The following SSBP2 variants were observed in gnomAD, a reference collection of about 807,000 sequenced individuals.
SSBP2 encodes single-stranded DNA-binding protein 2.
SSBP2 carries 17 observed loss-of-function variants against 61.8 expected under a neutral mutation model. The observed-to-expected ratio is 0.28, with a 90% confidence interval of 0.19 to 0.41. The LOEUF (loss-of-function observed/expected upper bound fraction) is 0.41. Ranked by LOEUF, SSBP2 falls within the 10% of genes least tolerant of loss-of-function variation. The probability of loss-of-function intolerance (pLI) is 1.00; values close to 1 mark genes in which losing one functional copy is unlikely to be tolerated. For missense variants in SSBP2, 310 were observed against 458.7 expected, an observed-to-expected ratio of 0.68 and a Z score of 2.96; for synonymous variants, 139 against 141.3, an observed-to-expected ratio of 0.98 and a Z score of 0.12.
At chr5:81,732,711 C>A (rs1756348797) in intron 1 of SSBP2, among the ~76,000 whole-genome samples, 1 of 152,164 alleles carries the variant, frequency 6.6e-6, no homozygotes, top group South Asian at 2.1e-4. Flanking sequence ...TTGGGTGGGT[C>A]ATACAGAAGA....
chr5:81,738,768 G>A (rs549400784), intron 1 of SSBP2, among the ~76,000 whole-genome samples: 20 of 152,154 alleles, frequency 1.3e-4, no homozygotes, highest in African/African-American at 4.1e-4. Flanking sequence ...TATAGCAATC[G>A]CTTCCTAATG....
intron 1 of SSBP2, among the ~76,000 whole-genome samples, chr5:81,748,292 T>C (rs1031454012): frequency 6.6e-6 from 1 of 152,204 alleles, no homozygotes; most frequent in African/African-American, 2.4e-5. Context: ...TAAGAACAGT[T>C]CTAATTTGCT....
chr5:81,467,622 ATATC>A (rs1764978496), intron 8 of SSBP2, among the ~76,000 whole-genome samples: 1 of 152,062 alleles, frequency 6.6e-6, no homozygotes, highest in African/African-American at 2.4e-5. Context: ...GCTTCTGTTA[ATATC>A]TATCATGTGC....
intron 1 of SSBP2, among the ~76,000 whole-genome samples, chr5:81,675,268 TAAAAAATA>T (rs1751870573): frequency 1.3e-5 from 2 of 152,144 alleles, no homozygotes; most frequent in South Asian, 4.1e-4. Flanking sequence ...GTTCCCCAGC[TAAAAAATA>T]ATAGTCCCCC....
chr5:81,462,595 T>C (rs1487404551), intron 9 of SSBP2, among the ~76,000 whole-genome samples: 2 of 152,174 alleles, frequency 1.3e-5, no homozygotes, highest in East Asian at 1.9e-4. Context: ...TCCAAGATGA[T>C]GATGGAGATG....
chr5:81,615,789 A>T (rs1472293945), intron 3 of SSBP2, among the ~76,000 whole-genome samples: 2 of 152,252 alleles, frequency 1.3e-5, no homozygotes, highest in Admixed American at 6.5e-5. Context: ...AATTTATAGC[A>T]ATAATTTAAA....
At chr5:81,720,262 C>G (rs1032673749) in intron 1 of SSBP2, among the ~76,000 whole-genome samples, 1 of 152,120 alleles carries the variant, frequency 6.6e-6, no homozygotes, top group Non-Finnish European at 1.5e-5. Flanking sequence ...CACTACCAAT[C>G]CTACCTCCAC....
intron 4 of SSBP2, among the ~76,000 whole-genome samples, chr5:81,561,211 A>G (rs556543812): frequency 1.6e-4 from 24 of 152,328 alleles, no homozygotes; most frequent in African/African-American, 5.8e-4. Context: ...GGAACATCCT[A>G]TGATACTGAA....
At chr5:81,549,653 C>T (rs1429066605) in intron 4 of SSBP2, among the ~76,000 whole-genome samples, 1 of 152,238 alleles carries the variant, frequency 6.6e-6, no homozygotes, top group Middle Eastern at 3.4e-3. Flanking sequence ...ATGAATGATT[C>T]ATACAAAAAT....
intron 4 of SSBP2, among the ~76,000 whole-genome samples, chr5:81,571,336 T>C (rs1379046220): frequency 6.6e-6 from 1 of 152,176 alleles, no homozygotes; most frequent in East Asian, 1.9e-4. Flanking sequence ...AGCAAGACAT[T>C]GGGAGGTGAG....
At chr5:81,507,653 T>A (rs1280778316) in intron 5 of SSBP2, among the ~76,000 whole-genome samples, 2 of 152,140 alleles carry the variant, frequency 1.3e-5, no homozygotes, top group African/African-American at 4.8e-5. Flanking sequence ...GAAGTTATAG[T>A]TTCCTTCTTA....
intron 4 of SSBP2, among the ~76,000 whole-genome samples, chr5:81,530,322 T>C (rs539930854): frequency 2.0e-5 from 3 of 152,208 alleles, no homozygotes; most frequent in East Asian, 1.9e-4. Flanking sequence ...CATTACTTAG[T>C]TGAATTTGAG....
chr5:81,462,152 C>T (rs1337196308), intron 9 of SSBP2, among the ~76,000 whole-genome samples: 5 of 151,912 alleles, frequency 3.3e-5, no homozygotes, highest in Non-Finnish European at 7.4e-5. Flanking sequence ...CTAACACTAA[C>T]GATAGCTGAT....
At chr5:81,737,705 A>G (rs1482212993) in intron 1 of SSBP2, among the ~76,000 whole-genome samples, 2 of 150,018 alleles carry the variant, frequency 1.3e-5, no homozygotes, top group African/African-American at 4.9e-5. Context: ...GGAGAATGGC[A>G]TGAACCCGGG....
chr5:81,460,048 G>C (rs905448985), intron 10 of SSBP2, among the ~76,000 whole-genome samples: 16 of 152,168 alleles, frequency 1.1e-4, no homozygotes, highest in Non-Finnish European at 2.9e-5. Flanking sequence ...AAAAATATAT[G>C]ACAGTTATTT....
rs146179714 is a variant in SSBP2, at chr5:81,662,769, C to A, written c.63-12430G>T. Among the ~76,000 whole-genome samples the A allele has an allele frequency of 3.6e-3, 554 of 152,228 alleles. 2 individuals carry two copies. Among genetic ancestry groups the A allele is most frequent in the African/African-American group, 0.013 (524 of 41,548 alleles). On this transcript the variant is annotated intron_variant, in intron 1 of 16. Transcript: ENST00000320672. ...CAAGCCAAGATCGAGCCACTACACT[C>A]CAGCCTGGGTGACAGAGCAAGACTC...
chr5:81,439,247 A>G lies in SSBP2; in HGVS notation c.928+1311T>C, dbSNP rs1485308944. On this transcript the variant is annotated intron_variant, in intron 14 of 16. Coordinates refer to ENST00000320672, the MANE Select transcript of SSBP2 (RefSeq NM_012446.5). ...CCCTTTCCAAAAGAAAAAAAAAATC[A>G]TAACTCCCATCCCCATTGTCAACTT... Among the ~76,000 whole-genome samples, 47 of 152,162 alleles carry G rather than the reference A, an allele frequency of 3.1e-4. 1 individual carries two copies. The highest frequency in any genetic ancestry group is 2.6e-3 in the Admixed American group (39 of 15,282).
chr5:81,500,433 C>T (rs1420287618), intron 5 of SSBP2, among the ~76,000 whole-genome samples: 7 of 151,200 alleles, frequency 4.6e-5, no homozygotes, highest in African/African-American at 1.7e-4. Flanking sequence ...AAGCTGGTCT[C>T]GAACTCCTGA....
intron 1 of SSBP2, among the ~76,000 whole-genome samples, chr5:81,737,564 C>T (rs1561745400): frequency 6.6e-6 from 1 of 151,818 alleles, no homozygotes; most frequent in Non-Finnish European, 1.5e-5. Context: ...AGGCGGATCA[C>T]GAGGTCAGGA....
Sources: allele counts gnomAD v4.1 joint callset (sites outside exome capture counted in the v4.1 genomes callset), GRCh38; gene constraint gnomAD v4.1.1; transcripts MANE v1.5; gene names NCBI Gene and HGNC (gene_info 2026-07-23, HGNC 2026-07-21).